The following ZSCAN25 variants were observed in gnomAD, a reference collection of about 807,000 sequenced individuals.
ZSCAN25 encodes zinc finger and SCAN domain containing 25, also known as zinc finger and SCAN domain-containing protein 25.
Under a neutral mutation model 38.7 loss-of-function variants are expected in ZSCAN25, and 27 were observed. The observed-to-expected ratio is 0.70, with a 90% CI of 0.51 to 0.96. The LOEUF (loss-of-function observed/expected upper bound fraction) is 0.96. Ranked by LOEUF, ZSCAN25 falls within the 40% of genes least tolerant of loss-of-function variation. The pLI is 0.00. For synonymous variants in ZSCAN25, 273 were observed against 277.7 expected (o/e 0.98, Z 0.17); for missense variants, 637 against 705.9 (o/e 0.90, Z 1.11).
At chr7:99,699,841 C>T in the ZSCAN25 span, 365 of 664,950 alleles carry the variant, frequency 5.5e-4, 2 homozygotes, top group South Asian at 4.6e-3. Context: ...GTGTTTGTAG[C>T]ATCCAAGAAG....
the ZSCAN25 span, chr7:99,671,599 A>G: frequency 2.1e-6 from 1 of 465,498 alleles, no homozygotes; most frequent in Non-Finnish European, 3.8e-6. Flanking sequence ...CAAAATGGGT[A>G]ATAGAGTTAC....
At chr7:99,700,841 T>C in the ZSCAN25 span, among the ~76,000 whole-genome samples, 1 of 152,226 alleles carries the variant, frequency 6.6e-6, no homozygotes, top group African/African-American at 2.4e-5. Flanking sequence ...GTGATAGCAA[T>C]AGACTAATGG....
Position 99,629,460 on chromosome 7 carries a change from C to T in ZSCAN25, c.1075C>T (p.Arg359Trp), listed in dbSNP as rs760044268. Residue 359 changes from arginine (R) to tryptophan (W), a missense_variant, in exon 8 of 8, where the codon CGG becomes TGG. Arg to Trp is a moderately radical substitution (Grantham distance 101). Transcript: ENST00000394152. The surrounding 1 kb of genome is among the most constrained non-coding windows in gnomAD (Gnocchi z 5.6). ...CCCTGAGTGTGGGAAAGGATTCAGT[C>T]GGAGCTCCAATCTCGTCAGGCACCA... is the stretch of plus-strand genomic sequence containing the variant. ...QCPECGKGFS[R>W]SSNLVRHQRT... 9.3e-6 allele frequency: 15 copies of T among 1,614,184 alleles called. No homozygotes were observed. The highest frequency in any genetic ancestry group is 2.2e-5 in the East Asian group (1 of 44,876).
chr7:99,714,584 TTA>T, the ZSCAN25 span: 1 of 1,613,356 alleles, frequency 6.2e-7, no homozygotes, highest in Non-Finnish European at 8.5e-7. Flanking sequence ...CGACCTTCTT[TTA>T]TCTGTTTTAC....
the ZSCAN25 span, among the ~76,000 whole-genome samples, chr7:99,732,401 T>C: frequency 2.0e-5 from 3 of 152,156 alleles, no homozygotes; most frequent in Non-Finnish European, 4.4e-5. Context: ...TTTTTTTTTA[T>C]AGCAATGGAA....
chr7:99,621,707 C>A, intron 5 of ZSCAN25, 133 bp downstream of exon 5: 1 of 667,696 alleles, frequency 1.5e-6, no homozygotes, highest in Non-Finnish European at 2.2e-6. Context: ...TTGGCTACTT[C>A]CTCCACCTTA....
Position 99,629,049 on chromosome 7 carries a change from G to A in ZSCAN25, c.806-142G>A. The A allele has an allele frequency of 8.4e-7, 1 of 1,194,264 alleles. No individual in the cohort carries two copies. The highest frequency in any genetic ancestry group is 1.1e-6 in the Non-Finnish European group (1 of 874,006). The allele number at this position is 1,194,264 out of a possible 1,614,324, so 74.0% of individuals were successfully genotyped here. A position where few individuals can be genotyped will look rare whatever the true frequency, so the allele number is the denominator to read the frequency against. On this transcript the variant is annotated intron_variant, in intron 7 of 7. Transcript: ENST00000394152. The surrounding 1 kb of genome is among the most constrained non-coding windows in gnomAD (Gnocchi z 5.6). ...TGGAGGTGGAAATAAGGAAAAAGAA[G>A]TAAGGAAAGCCTGAGTTGAGGTTGT... is the stretch of plus-strand genomic sequence containing the variant.
chr7:99,638,813 C>T, the ZSCAN25 span: 1 of 766,940 alleles, frequency 1.3e-6, no homozygotes, highest in Non-Finnish European at 2.3e-6. Flanking sequence ...CCTGGGTCCC[C>T]TCAGCCAACA....
the ZSCAN25 span, among the ~76,000 whole-genome samples, chr7:99,718,715 T>G: frequency 6.6e-6 from 1 of 152,146 alleles, no homozygotes; most frequent in African/African-American, 2.4e-5. Context: ...ATAAAAGAAT[T>G]GTCTCTATTT....
At chr7:99,729,797 C>T in the ZSCAN25 span, among the ~76,000 whole-genome samples, 1 of 152,168 alleles carries the variant, frequency 6.6e-6, no homozygotes, top group East Asian at 1.9e-4. Flanking sequence ...TTACCCCACT[C>T]CTATAAAACT....
the ZSCAN25 span, chr7:99,674,619 A>T: frequency 6.3e-7 from 1 of 1,581,974 alleles, no homozygotes; most frequent in Non-Finnish European, 8.7e-7. Flanking sequence ...GTTGATTATT[A>T]TTTTAAATAG....
At chr7:99,708,732 T>C in the ZSCAN25 span, among the ~76,000 whole-genome samples, 1 of 152,166 alleles carries the variant, frequency 6.6e-6, no homozygotes, top group African/African-American at 2.4e-5. Context: ...TTGTGGGACA[T>C]AATAATAGCA....
At position 99,631,869 on chromosome 7, in the gene ZSCAN25, C is replaced by T; in HGVS notation, c.*1849C>T. On this transcript the variant is annotated 3_prime_UTR_variant, in exon 8 of 8. Transcript: ENST00000394152. ...GGGCTGCTGCTGCTCCTCTGTAATA[C>T]TGAGGTCCACATGCAAAATCAGCTT... 1.0e-6 allele frequency: 1 copy of T among 985,528 alleles called. No homozygotes were observed. Among genetic ancestry groups the T allele is most frequent in the Non-Finnish European group, 1.2e-6 (1 of 830,020 alleles). The allele number at this position is 985,528 out of a possible 1,614,324, so 61.0% of individuals were successfully genotyped here.
At chr7:99,677,897 AGG>A in the ZSCAN25 span, among the ~76,000 whole-genome samples, 1,687 of 152,312 alleles carry the variant, frequency 0.011, 31 homozygotes, top group African/African-American at 0.038. Context: ...TTGGCCCCCA[AGG>A]AAAGATCTTG....
chr7:99,718,303 C>T, the ZSCAN25 span, among the ~76,000 whole-genome samples: 26 of 152,180 alleles, frequency 1.7e-4, no homozygotes, highest in East Asian at 4.4e-3. Context: ...AAACTCACAA[C>T]GTATTTTGAA....
rs1157356749 is a variant in ZSCAN25, at chr7:99,629,091, G to C, written c.806-100G>C. The C allele has an allele frequency of 6.8e-7, 1 of 1,479,190 alleles. No individual in the cohort carries two copies. Among genetic ancestry groups the C allele is most frequent in the Non-Finnish European group, 9.0e-7 (1 of 1,107,602 alleles). The allele number at this position is 1,479,190 out of a possible 1,614,324, so 91.6% of individuals were successfully genotyped here. On this transcript the variant is annotated intron_variant, in intron 7 of 7. Transcript: ENST00000394152. The surrounding 1 kb of genome is among the most constrained non-coding windows in gnomAD (Gnocchi z 5.6). ...TGAGGTTGTTGGTCAAAGGAAAAAA[G>C]AGAAGGAACCATGAATGGGACCCCT... is the stretch of plus-strand genomic sequence containing the variant.
the ZSCAN25 span, among the ~76,000 whole-genome samples, chr7:99,700,418 C>T: frequency 6.6e-6 from 1 of 152,124 alleles, no homozygotes; most frequent in South Asian, 2.1e-4. Flanking sequence ...AAATCCATCC[C>T]CACAAGCCAC....
chr7:99,649,751 C>A, the ZSCAN25 span, among the ~76,000 whole-genome samples: 2 of 152,326 alleles, frequency 1.3e-5, no homozygotes, highest in African/African-American at 4.8e-5. Context: ...CCATTTAAGT[C>A]ACAGCCAGGT....
Position 99,627,813 on chromosome 7 carries a change from T to A in ZSCAN25, c.806-1378T>A, listed in dbSNP as rs76316697. On this transcript the variant is annotated intron_variant, in intron 7 of 7. Transcript: ENST00000394152. ...ATGTATATTGTATATACTGTATACATGTATATGCTGTATATGTATATACTG... is the reference window on the plus strand; with the variant it reads ...ATGTATATTGTATATACTGTATACAAGTATATGCTGTATATGTATATACTG... Among the ~76,000 whole-genome samples, 1,099 of 152,118 alleles carry A rather than the reference T, an allele frequency of 7.2e-3. 19 individuals carry two copies. The highest frequency in any genetic ancestry group is 0.025 in the African/African-American group (1,049 of 41,442).
Sources: gnomAD v4.1 joint callset for allele counts (sites outside exome capture counted in the v4.1 genomes callset) on GRCh38, gnomAD v4.1.1 for gene constraint, Gnocchi (gnomAD v3.1) non-coding constraint, MANE v1.5 for transcripts, NCBI Gene and HGNC (gene_info 2026-07-23, HGNC 2026-07-21) for gene names.